SYNPR: variants seen among roughly 807,000 people sequenced by gnomAD.
SYNPR encodes synaptoporin.
SYNPR carries 23 observed loss-of-function variants against 32.9 expected under a neutral mutation model. The ratio of observed to expected loss-of-function variants is 0.70; its 90% CI spans 0.50 to 0.99. The LOEUF is 0.99. Among genes scored for constraint, SYNPR ranks in the 50% least tolerant of loss-of-function variants. The pLI is 0.00. For synonymous variants in SYNPR, 146 were observed against 135.9 expected, an observed-to-expected ratio of 1.07 and a Z score of -0.52; for missense variants, 318 against 349.3, an observed-to-expected ratio of 0.91 and a Z score of 0.71.
the SYNPR span, chr3:63,203,068 G>GTGTGTGTGTGTATATATATATATA: frequency 2.9e-4 from 32 of 108,508 alleles, no homozygotes; most frequent in South Asian, 1.6e-3. Context: ...ATATGTATGT[G>GTGTGTGTGTGTATATATATATATA]TATATATATA....
At chr3:63,598,296 C>T (rs1699990276) in intron 4 of SYNPR, among the ~76,000 whole-genome samples, 1 of 152,204 alleles carries the variant, frequency 6.6e-6, no homozygotes, top group Middle Eastern at 3.4e-3. Context: ...AAAGATGACT[C>T]CCTTTTCTAT....
At chr3:63,461,785 A>C (rs75259708) in intron 2 of SYNPR, among the ~76,000 whole-genome samples, 2,684 of 152,014 alleles carry the variant, frequency 0.018, 79 homozygotes, top group African/African-American at 0.061. Context: ...TTACCATGCT[A>C]TGAACCTCAG....
chr3:63,444,806 ACT>A (rs780231461), intron 2 of SYNPR, among the ~76,000 whole-genome samples: 1 of 152,080 alleles, frequency 6.6e-6, no homozygotes, highest in Non-Finnish European at 1.5e-5. Flanking sequence ...GATCAATCTA[ACT>A]CAGCCTCAAA....
chr3:63,371,204 A>C (rs1032684334), intron 2 of SYNPR, among the ~76,000 whole-genome samples: 12 of 151,956 alleles, frequency 7.9e-5, no homozygotes, highest in African/African-American at 2.4e-4. Context: ...GACTTTTGCA[A>C]CCCTGGGCTC....
intron 2 of SYNPR, among the ~76,000 whole-genome samples, chr3:63,468,104 G>A (rs558563209): frequency 5.4e-5 from 8 of 148,104 alleles, no homozygotes; most frequent in African/African-American, 2.0e-4. Flanking sequence ...TGAGGCAGGA[G>A]AATTGCTTGA....
At chr3:63,469,283 G>A (rs955753940) in intron 2 of SYNPR, among the ~76,000 whole-genome samples, 1 of 152,066 alleles carries the variant, frequency 6.6e-6, no homozygotes, top group Non-Finnish European at 1.5e-5. Context: ...CACAGCTTCT[G>A]GCAAGGGGTA....
intron 2 of SYNPR, among the ~76,000 whole-genome samples, chr3:63,294,738 G>A (rs1018217645): frequency 1.3e-5 from 2 of 152,094 alleles, no homozygotes; most frequent in Non-Finnish European, 2.9e-5. Flanking sequence ...GCTAAACAAT[G>A]CTATAACATA....
intron 2 of SYNPR, among the ~76,000 whole-genome samples, chr3:63,399,717 C>A (rs538899255): frequency 3.3e-5 from 5 of 152,194 alleles, no homozygotes; most frequent in Admixed American, 2.6e-4. Context: ...GGTTATTGTG[C>A]CAAGTTTACT....
At chr3:63,278,780 A>C in intron 2 of SYNPR, 38 bp downstream of exon 2, 3 of 1,549,302 alleles carry the variant, frequency 1.9e-6, no homozygotes, top group African/African-American at 1.4e-5. Flanking sequence ...GGCGCCAGGC[A>C]GCCAGCTATC....
chr3:63,422,469 A>G (rs765278788), intron 2 of SYNPR, among the ~76,000 whole-genome samples: 1 of 152,242 alleles, frequency 6.6e-6, no homozygotes, highest in Admixed American at 6.5e-5. Context: ...GGAAACTTAG[A>G]GGTGACGGAA....
chr3:63,345,697 G>T (rs1281936122), intron 2 of SYNPR, among the ~76,000 whole-genome samples: 1 of 152,224 alleles, frequency 6.6e-6, no homozygotes, highest in Admixed American at 6.5e-5. Flanking sequence ...GAGGAGAGGG[G>T]AAGGGAGGGA....
At chr3:63,383,068 G>A (rs994909434) in intron 2 of SYNPR, among the ~76,000 whole-genome samples, 6 of 152,140 alleles carry the variant, frequency 3.9e-5, no homozygotes, top group African/African-American at 1.4e-4. Context: ...TAGGAGATGC[G>A]AAACATTTAG....
chr3:63,601,327 T>C (rs543749603), intron 4 of SYNPR, among the ~76,000 whole-genome samples: 1 of 152,276 alleles, frequency 6.6e-6, no homozygotes, highest in East Asian at 1.9e-4. Flanking sequence ...TGAAACCCTT[T>C]GATGTAAAAA....
intron 2 of SYNPR, among the ~76,000 whole-genome samples, chr3:63,427,872 T>A (rs1347763432): frequency 6.6e-6 from 1 of 152,154 alleles, no homozygotes; most frequent in African/African-American, 2.4e-5. Context: ...ACCACCAGAG[T>A]GATGATTTCT....
At chr3:63,525,492 C>A (rs1030088788) in intron 3 of SYNPR, among the ~76,000 whole-genome samples, 3 of 152,170 alleles carry the variant, frequency 2.0e-5, no homozygotes, top group Non-Finnish European at 4.4e-5. Context: ...AGTCACCTTC[C>A]CTGACCATAT....
intron 5 of SYNPR, among the ~76,000 whole-genome samples, chr3:63,612,977 T>C (rs1700222996): frequency 6.6e-6 from 1 of 150,726 alleles, no homozygotes; most frequent in South Asian, 2.1e-4. Context: ...TTTCCTTTTT[T>C]CTTTTTTTTT....
chr3:63,538,589 T>C (rs564159020), intron 3 of SYNPR, among the ~76,000 whole-genome samples: 1 of 152,256 alleles, frequency 6.6e-6, no homozygotes, highest in East Asian at 1.9e-4. Flanking sequence ...GCAGAAGTGA[T>C]AGGATGTCAT....
intron 3 of SYNPR, among the ~76,000 whole-genome samples, chr3:63,500,512 T>C (rs969669133): frequency 1.3e-5 from 2 of 152,140 alleles, no homozygotes; most frequent in African/African-American, 4.8e-5. Flanking sequence ...CCAAAGTGTG[T>C]CAAAATGGTT....
intron 2 of SYNPR, among the ~76,000 whole-genome samples, chr3:63,403,441 T>TACACAAACACACACACACAC (rs147870795): frequency 6.8e-6 from 1 of 146,018 alleles, no homozygotes; most frequent in African/African-American, 2.5e-5. Context: ...TGTATACACA[T>TACACAAACACACACACACAC]ACACACACAC....
Sources: allele counts gnomAD v4.1 joint callset (sites outside exome capture counted in the v4.1 genomes callset), GRCh38; gene constraint gnomAD v4.1.1; transcripts MANE v1.5; gene names NCBI Gene and HGNC (gene_info 2026-07-23, HGNC 2026-07-21).